The following GRIN2B variants were observed in gnomAD, a reference collection of about 807,000 sequenced individuals.
The protein encoded by GRIN2B is glutamate receptor ionotropic, NMDA 2B.
Under a neutral mutation model 114.5 loss-of-function variants are expected in GRIN2B, and 5 were observed. That is an observed-to-expected ratio of 0.04 (90% CI 0.02 to 0.09). The LOEUF (loss-of-function observed/expected upper bound fraction) is 0.09. Among genes scored for constraint, GRIN2B ranks in the 10% least tolerant of loss-of-function variants. The pLI is 1.00. For synonymous variants in GRIN2B, 787 were observed against 745.1 expected, an observed-to-expected ratio of 1.06 and a Z score of -0.92; for missense variants, 1,108 against 1,943.5, an observed-to-expected ratio of 0.57 and a Z score of 8.08.
intron 3 of GRIN2B, among the ~76,000 whole-genome samples, chr12:13,863,033 G>C (rs1865773486): frequency 6.6e-6 from 1 of 152,200 alleles, no homozygotes; most frequent in Non-Finnish European, 1.5e-5. Context: ...GCATCTAAAA[G>C]TCACTGCCCA....
chr12:13,854,044 G>T (rs1394815728), intron 3 of GRIN2B, among the ~76,000 whole-genome samples: 2 of 152,202 alleles, frequency 1.3e-5, no homozygotes, highest in East Asian at 3.9e-4. Flanking sequence ...GAAATGAAAA[G>T]AAATAAAGGG....
intron 3 of GRIN2B, among the ~76,000 whole-genome samples, chr12:13,836,691 GT>G (rs201211914): frequency 0.033 from 5,023 of 152,222 alleles, 213 homozygotes; most frequent in African/African-American, 0.094. Context: ...CTTCTGGCCT[GT>G]TTGCCTGCTC....
chr12:13,666,137 G>A (rs746697487), intron 5 of GRIN2B, among the ~76,000 whole-genome samples: 11 of 152,160 alleles, frequency 7.2e-5, no homozygotes, highest in Non-Finnish European at 1.2e-4. Flanking sequence ...AGTGGAGCAC[G>A]GGCTTCTTTC....
chr12:13,842,241 G>A (rs568051823), intron 3 of GRIN2B, among the ~76,000 whole-genome samples: 1 of 152,338 alleles, frequency 6.6e-6, no homozygotes, highest in Non-Finnish European at 1.5e-5. Context: ...TCAGACTTCT[G>A]TTTTAAATTA....
intron 2 of GRIN2B, among the ~76,000 whole-genome samples, chr12:13,927,317 CG>C (rs1211951932): frequency 2.0e-5 from 3 of 152,082 alleles, no homozygotes; most frequent in African/African-American, 4.8e-5. Context: ...GAGCTGCTAT[CG>C]GGGGTTTAAT....
At position 13,590,304 on chromosome 12, in the gene GRIN2B, G is replaced by A. The variant is rs138857533; in HGVS notation, c.2010+18299C>T. 6.5e-4 allele frequency among the ~76,000 whole-genome samples: 99 copies of A among 152,178 alleles called. No homozygotes were observed. The East Asian group carries it at 0.016, about 24-fold the overall frequency. On this transcript the variant is annotated intron_variant, in intron 10 of 13. Coordinates refer to ENST00000609686, the MANE Select transcript of GRIN2B (RefSeq NM_000834.5). ...TGTTACATAGGTATACACGTACCACGGTGGTTTGCTCCACCTATCAATTCC... is the reference window on the plus strand; with the variant it reads ...TGTTACATAGGTATACACGTACCACAGTGGTTTGCTCCACCTATCAATTCC...
intron 4 of GRIN2B, among the ~76,000 whole-genome samples, chr12:13,727,740 T>C (rs1863017223): frequency 6.6e-6 from 1 of 152,206 alleles, no homozygotes; most frequent in African/African-American, 2.4e-5. Context: ...CCTGATGCTG[T>C]GATCACTGCT....
chr12:13,633,079 T>A (rs1328220068), intron 5 of GRIN2B, among the ~76,000 whole-genome samples: 3 of 152,200 alleles, frequency 2.0e-5, no homozygotes, highest in Non-Finnish European at 4.4e-5. Flanking sequence ...ACAGCCTCAA[T>A]CTGGCTTCAT....
intron 3 of GRIN2B, among the ~76,000 whole-genome samples, chr12:13,771,837 T>C (rs1049708369): frequency 1.3e-5 from 2 of 152,246 alleles, no homozygotes; most frequent in Non-Finnish European, 2.9e-5. Context: ...CATCTAAGCA[T>C]CAGTCATATC....
intron 2 of GRIN2B, among the ~76,000 whole-genome samples, chr12:13,950,584 C>A (rs1485064542): frequency 6.6e-6 from 1 of 152,102 alleles, no homozygotes; most frequent in African/African-American, 2.4e-5. Flanking sequence ...TATTTGACTC[C>A]TTGCCTATCT....
chr12:13,956,270 T>C (rs1867590422), intron 2 of GRIN2B, among the ~76,000 whole-genome samples: 1 of 152,114 alleles, frequency 6.6e-6, no homozygotes, highest in African/African-American at 2.4e-5. Context: ...CCGTGAGAGA[T>C]GAACCACGGA....
At position 13,640,988 on chromosome 12, in the gene GRIN2B, A is replaced by G. The variant is rs1949709342; in HGVS notation, c.1126-24331T>C. 7.2e-5 allele frequency among the ~76,000 whole-genome samples: 11 copies of G among 152,242 alleles called. No individual in the cohort carries two copies. The South Asian group carries it at 2.3e-3, about 32-fold the overall frequency. ...ACCATTTAGGGTATAAACCTTCCAT[A>G]AAAACTTCGGAACCATAGTTTTCCT... On this transcript the variant is annotated intron_variant, in intron 5 of 13. Coordinates refer to ENST00000609686, the MANE Select transcript of GRIN2B (RefSeq NM_000834.5).
chr12:13,782,634 T>C (rs372554784), intron 3 of GRIN2B, among the ~76,000 whole-genome samples: 10 of 152,246 alleles, frequency 6.6e-5, no homozygotes, highest in Non-Finnish European at 8.8e-5. Flanking sequence ...TAATGAGACA[T>C]GTTTCTTGCA....
chr12:13,602,431 G>C (rs1949173211), intron 10 of GRIN2B, among the ~76,000 whole-genome samples: 1 of 152,222 alleles, frequency 6.6e-6, no homozygotes, highest in African/African-American at 2.4e-5. Flanking sequence ...CAGGAAAAGG[G>C]TGTGACAGAT....
At chr12:13,718,589 A>G (rs1327534851) in intron 4 of GRIN2B, among the ~76,000 whole-genome samples, 2 of 151,996 alleles carry the variant, frequency 1.3e-5, no homozygotes, top group African/African-American at 4.8e-5. Flanking sequence ...GGAAATTCCT[A>G]TGGAACTGGA....
chr12:13,759,842 T>G (rs7296762), intron 3 of GRIN2B, among the ~76,000 whole-genome samples: 61,391 of 152,068 alleles, frequency 0.4, 13,287 homozygotes, highest in African/African-American at 0.52. Context: ...CCCTTGATTT[T>G]GATCCCATAT....
At position 13,639,498 on chromosome 12, in the gene GRIN2B, C is replaced by T. The variant is rs186345433; in HGVS notation, c.1126-22841G>A. 1.4e-3 allele frequency among the ~76,000 whole-genome samples: 219 copies of T among 152,290 alleles called. 2 individuals carry two copies. Among genetic ancestry groups the T allele is most frequent in the African/African-American group, 4.9e-3 (204 of 41,558 alleles). On this transcript the variant is annotated intron_variant, in intron 5 of 13. Transcript: ENST00000609686. ...ACGTTCAATGTCCCATCTCCTTTTA[C>T]GTTCCCACACGTGTTCCACTTACTG...
rs146235271 is a variant in GRIN2B at position 13,562,951 on chromosome 12, C to A, written c.4287G>T (p.Pro1429=). ...PDFRALVTNK[P]VVSALHGAVP... is the part of the protein sequence containing the mutation. ...CGGCCCCATGAAGGGCCGAGACCAC[C>A]GGCTTGTTGGTGACAAGGGCCCGGA... The change falls in exon 14 of 14, where the codon CCG becomes CCT. Residue 1429 remains proline, a synonymous_variant. Coordinates refer to ENST00000609686, the MANE Select transcript of GRIN2B (RefSeq NM_000834.5). The A allele has an allele frequency of 1.2e-6, 2 of 1,614,098 alleles. No homozygotes were observed. The highest frequency in any genetic ancestry group is 1.7e-6 in the Non-Finnish European group (2 of 1,180,022).
At chr12:13,808,269 A>G (rs1170621359) in intron 3 of GRIN2B, among the ~76,000 whole-genome samples, 1 of 152,114 alleles carries the variant, frequency 6.6e-6, no homozygotes, top group Non-Finnish European at 1.5e-5. Flanking sequence ...TTCTAGGGCC[A>G]CTTTGAGTTT....
Sources: gnomAD v4.1 joint callset for allele counts (sites outside exome capture counted in the v4.1 genomes callset) on GRCh38, gnomAD v4.1.1 for gene constraint, MANE v1.5 for transcripts, NCBI Gene and HGNC (gene_info 2026-07-23, HGNC 2026-07-21) for gene names.